VEPH1: variants seen among roughly 807,000 people sequenced by gnomAD.
VEPH1 encodes the protein ventricular zone expressed PH domain containing 1.
A neutral mutation model predicts 85.2 loss-of-function variants in VEPH1; 80 were observed. The ratio of observed to expected loss-of-function variants is 0.94; its 90% CI spans 0.78 to 1.13. The LOEUF (loss-of-function observed/expected upper bound fraction) is 1.13, where lower values mean the gene tolerates loss of function less well. VEPH1 is among the 50% of genes most tolerant of loss of function. The probability of loss-of-function intolerance (pLI) is 0.00; values close to 1 mark genes in which losing one functional copy is unlikely to be tolerated. For synonymous variants in VEPH1, 297 were observed against 348.0 expected, an observed-to-expected ratio of 0.85 and a Z score of 1.63; for missense variants, 955 against 980.5, an observed-to-expected ratio of 0.97 and a Z score of 0.35.
At chr3:157,343,291 A>G (rs1190624613) in intron 9 of VEPH1, among the ~76,000 whole-genome samples, 1 of 152,226 alleles carries the variant, frequency 6.6e-6, no homozygotes, top group African/African-American at 2.4e-5. Flanking sequence ...CAAGACTAAT[A>G]AAGAAAAAAC....
intron 4 of VEPH1, among the ~76,000 whole-genome samples, chr3:157,452,212 G>C (rs1210934586): frequency 6.6e-6 from 1 of 152,076 alleles, no homozygotes; most frequent in Non-Finnish European, 1.5e-5. Context: ...GCAGAGCGGG[G>C]GTCTGGGTAC....
intron 9 of VEPH1, among the ~76,000 whole-genome samples, chr3:157,323,742 T>A (rs1391619715): frequency 6.6e-6 from 1 of 152,154 alleles, no homozygotes; most frequent in Non-Finnish European, 1.5e-5. Flanking sequence ...AATTATATAT[T>A]CAGAAATATA....
intron 6 of VEPH1, 159 bp downstream of exon 6, chr3:157,413,722 C>T: frequency 1.1e-6 from 1 of 946,354 alleles, no homozygotes; most frequent in Non-Finnish European, 1.3e-6. Context: ...TGTCATAGAA[C>T]TCCCAGAAAT....
intron 9 of VEPH1, among the ~76,000 whole-genome samples, chr3:157,358,727 T>C (rs890686245): frequency 4.6e-5 from 7 of 152,188 alleles, no homozygotes; most frequent in South Asian, 2.1e-4. Flanking sequence ...ATTAATCTCA[T>C]TTTAAGAAAA....
At chr3:157,437,794 G>A in intron 4 of VEPH1, 1 of 1,463,852 alleles carries the variant, frequency 6.8e-7, no homozygotes, top group South Asian at 1.4e-5. Flanking sequence ...GGAGGGCGCG[G>A]AGGCGCAGCG....
At chr3:157,408,751 A>G (rs902672614) in intron 6 of VEPH1, among the ~76,000 whole-genome samples, 3 of 152,138 alleles carry the variant, frequency 2.0e-5, no homozygotes, top group Non-Finnish European at 4.4e-5. Flanking sequence ...TAAGATAAGT[A>G]GGAGAAGAGG....
At chr3:157,411,758 C>T (rs1731551691) in intron 6 of VEPH1, among the ~76,000 whole-genome samples, 1 of 152,146 alleles carries the variant, frequency 6.6e-6, no homozygotes, top group South Asian at 2.1e-4. Flanking sequence ...AAAAAGCAAA[C>T]AAATTTGAAC....
intron 4 of VEPH1, among the ~76,000 whole-genome samples, chr3:157,446,194 A>G (rs1374510238): frequency 6.6e-6 from 1 of 151,764 alleles, no homozygotes; most frequent in Non-Finnish European, 1.5e-5. Flanking sequence ...ATATATATAC[A>G]TATAAATAAT....
chr3:157,318,643 A>T (rs942651138), intron 9 of VEPH1, among the ~76,000 whole-genome samples: 1 of 139,752 alleles, frequency 7.2e-6, no homozygotes, highest in East Asian at 2.3e-4. Context: ...AAAGAAAGAA[A>T]GAAAGAAAGA....
intron 2 of VEPH1, among the ~76,000 whole-genome samples, chr3:157,482,804 T>C (rs1180263571): frequency 6.6e-6 from 1 of 152,148 alleles, no homozygotes; most frequent in Non-Finnish European, 1.5e-5. Context: ...TGTTACTAGG[T>C]ATAGAAATGA....
chr3:157,357,742 C>G (rs1462694935), intron 9 of VEPH1, among the ~76,000 whole-genome samples: 1 of 152,212 alleles, frequency 6.6e-6, no homozygotes, highest in Non-Finnish European at 1.5e-5. Context: ...ATCCGCCTGC[C>G]TTGGCCTCCC....
In VEPH1 at chr3:157,473,366, C is replaced by T. The variant is rs971367653; in HGVS notation, c.139-2837G>A. Among the ~76,000 whole-genome samples, 5 of 152,152 alleles carry T rather than the reference C, an allele frequency of 3.3e-5. No homozygotes were observed. In the East Asian group the frequency reaches 7.7e-4, roughly 24 times the overall value. On this transcript the variant is annotated intron_variant, in intron 2 of 13. Transcript: ENST00000362010. ...GGATTACAAGCATGAGCCACCATGTCGTGCTTTTTGTATTTATTTTGTAAC... is the reference window on the plus strand; with the variant it reads ...GGATTACAAGCATGAGCCACCATGTTGTGCTTTTTGTATTTATTTTGTAAC...
At chr3:157,445,587 C>G (rs944303178) in intron 4 of VEPH1, among the ~76,000 whole-genome samples, 3 of 152,206 alleles carry the variant, frequency 2.0e-5, no homozygotes, top group African/African-American at 7.2e-5. Flanking sequence ...TGGCACTGCA[C>G]TCCAGCCTGG....
chr3:157,297,021 A>G (rs1252328032), intron 11 of VEPH1, among the ~76,000 whole-genome samples: 1 of 152,192 alleles, frequency 6.6e-6, no homozygotes, highest in African/African-American at 2.4e-5. Flanking sequence ...TAATCCCAGC[A>G]TATTGGGAGG....
At position 157,495,341 on chromosome 3, in the gene VEPH1, T is replaced by TTGA; in HGVS notation, c.6_8dup (p.His2dup). 1 of 1,613,944 alleles carries TTGA rather than the reference T, an allele frequency of 6.2e-7. No individual in the cohort carries two copies. The highest frequency in any genetic ancestry group is 1.1e-5 in the South Asian group (1 of 91,066). On this transcript the variant is annotated inframe_insertion, in exon 2 of 14. Coordinates refer to ENST00000362010, the MANE Select transcript of VEPH1 (RefSeq NM_001167912.2). Reference sequence around the variant, plus strand: ...TTTGTCCCAAAACCAGTCTGAACAGTTGATGCATGGTGAGGATGAGTTTGA... The same window carrying TTGA: ...TTTGTCCCAAAACCAGTCTGAACAGTTGATGATGCATGGTGAGGATGAGTTTGA...
chr3:157,460,435 T>C, intron 3 of VEPH1, 80 bp from the exon 4 acceptor site: 1 of 1,485,150 alleles, frequency 6.7e-7, no homozygotes, highest in Non-Finnish European at 9.0e-7. Flanking sequence ...CAAAAAATAT[T>C]TATTGGATTA....
At chr3:157,354,788 G>A (rs1425087368) in intron 9 of VEPH1, among the ~76,000 whole-genome samples, 1 of 152,110 alleles carries the variant, frequency 6.6e-6, no homozygotes, top group Non-Finnish European at 1.5e-5. Context: ...AAAACTTAGG[G>A]ACTCAAATTT....
At chr3:157,436,726 A>AC in intron 4 of VEPH1, 7 of 310,936 alleles carry the variant, frequency 2.3e-5, no homozygotes, top group Non-Finnish European at 3.7e-5. Context: ...TCGCTCTCCC[A>AC]CCCAGCCCCC....
intron 4 of VEPH1, among the ~76,000 whole-genome samples, chr3:157,452,757 G>A (rs975136198): frequency 2.6e-5 from 4 of 152,222 alleles, no homozygotes; most frequent in Admixed American, 1.3e-4. Context: ...ACTTTACAGT[G>A]AAATGGTCAG....
Sources: gnomAD v4.1 joint callset for allele counts (sites outside exome capture counted in the v4.1 genomes callset) on GRCh38, gnomAD v4.1.1 for gene constraint, MANE v1.5 for transcripts, NCBI Gene and HGNC (gene_info 2026-07-23, HGNC 2026-07-21) for gene names.